The following TTC12 variants were observed in gnomAD, a reference collection of about 807,000 sequenced individuals.
TTC12 encodes tetratricopeptide repeat protein 12.
Under a neutral mutation model 90.1 loss-of-function variants are expected in TTC12, and 70 were observed. The ratio of observed to expected loss-of-function variants is 0.78; its 90% CI spans 0.64 to 0.95. The LOEUF is 0.95. TTC12 is among the 40% of genes least tolerant of loss of function. The pLI is 0.00. For synonymous variants in TTC12, 296 were observed against 311.5 expected, an observed-to-expected ratio of 0.95 and a Z score of 0.53; for missense variants, 819 against 846.1, an observed-to-expected ratio of 0.97 and a Z score of 0.40.
intron 12 of TTC12, 136 bp from the exon 13 acceptor site, chr11:113,344,136 C>A: frequency 9.8e-7 from 1 of 1,024,654 alleles, no homozygotes; most frequent in Non-Finnish European, 1.4e-6. Flanking sequence ...GTTCTAGAAT[C>A]CACACTCTTA....
Position 113,363,853 on chromosome 11 carries a change from A to T in TTC12, c.1742A>T (p.Tyr581Phe). 1.2e-6 allele frequency: 2 copies of T among 1,613,222 alleles called. No individual in the cohort carries two copies. The highest frequency in any genetic ancestry group is 1.7e-6 in the Non-Finnish European group (2 of 1,179,188). ...ACAGGAGGTGAGACTGCATCACGTT[A>T]TGCTATAAAGATACTAGCTATCTGC... ...LKTGGETASR[Y>F]AIKILAICTN... The change falls in exon 20 of 22, where the codon TAT (tyrosine) becomes TTT (phenylalanine). Residue 581 changes from tyrosine to phenylalanine, a missense_variant. Transcript: ENST00000529221.
chr11:113,328,134 T>G (rs1456381663), intron 6 of TTC12, among the ~76,000 whole-genome samples: 1 of 152,178 alleles, frequency 6.6e-6, no homozygotes, highest in African/African-American at 2.4e-5. Flanking sequence ...CTGGCTTTAT[T>G]ATTGGTTGCT....
At chr11:113,329,717 T>A (rs1555142079) in intron 6 of TTC12, 1 of 639,868 alleles carries the variant, frequency 1.6e-6, no homozygotes, top group African/African-American at 1.8e-5. Flanking sequence ...AAGCCCTGCC[T>A]TCACCGTGGA....
At chr11:113,357,553 G>C (rs1949695347) in intron 16 of TTC12, among the ~76,000 whole-genome samples, 1 of 152,132 alleles carries the variant, frequency 6.6e-6, no homozygotes, top group African/African-American at 2.4e-5. Flanking sequence ...TCTTATCTTT[G>C]TTGATTTCTC....
chr11:113,350,052 G>A (rs782537899), intron 13 of TTC12, 21 bp from the exon 14 acceptor site: 25 of 1,601,980 alleles, frequency 1.6e-5, no homozygotes, highest in Middle Eastern at 1.7e-4. Flanking sequence ...CTACCTCTGA[G>A]GTTATTATGG....
At chr11:113,359,605 C>T (rs544783894) in intron 17 of TTC12, 144 bp downstream of exon 17, 21 of 647,544 alleles carry the variant, frequency 3.2e-5, no homozygotes, top group East Asian at 3.1e-4. Flanking sequence ...TGGAGGGATG[C>T]GCTCTCCCTT....
At chr11:113,315,029 G>A (rs1946839890) in intron 1 of TTC12, 1 of 152,360 alleles carries the variant, frequency 6.6e-6, no homozygotes, top group South Asian at 2.1e-4. Context: ...CTGGGAGACA[G>A]AGGTTGTCTC....
chr11:113,356,745 A>G (rs1271953009), intron 16 of TTC12, among the ~76,000 whole-genome samples: 1 of 152,214 alleles, frequency 6.6e-6, no homozygotes, highest in Non-Finnish European at 1.5e-5. Flanking sequence ...ATGATGTTGA[A>G]TATTGGCCTC....
Position 113,322,287 on chromosome 11 carries a change from G to A in TTC12, c.59-1001G>A, listed in dbSNP as rs538674714. Among the ~76,000 whole-genome samples, 10 of 152,082 alleles carry A rather than the reference G, an allele frequency of 6.6e-5. No individual in the cohort carries two copies. In the East Asian group the frequency reaches 1.5e-3, roughly 23 times the overall value. ...TACATAATTTAGAAGGAAGCTGGTC[G>A]AATGGAATAGGTTGAAAATATTGCG... On this transcript the variant is annotated intron_variant, in intron 2 of 21. Transcript: ENST00000529221.
chr11:113,349,024 C>T (rs1325098951), intron 13 of TTC12, among the ~76,000 whole-genome samples: 2 of 152,240 alleles, frequency 1.3e-5, no homozygotes, highest in African/African-American at 2.4e-5. Context: ...CACTGGCCTG[C>T]AAGCTGCCTG....
At chr11:113,354,958 G>C (rs574206697) in intron 16 of TTC12, among the ~76,000 whole-genome samples, 1 of 152,296 alleles carries the variant, frequency 6.6e-6, no homozygotes, top group South Asian at 2.1e-4. Flanking sequence ...GAATCAGGAT[G>C]ATGCTGGTCT....
intron 11 of TTC12, 90 bp downstream of exon 11, chr11:113,340,823 C>A: frequency 9.0e-7 from 1 of 1,106,382 alleles, no homozygotes; most frequent in Non-Finnish European, 1.4e-6. Flanking sequence ...TAGACAGTCA[C>A]GTTTCTGAAC....
intron 21 of TTC12, among the ~76,000 whole-genome samples, chr11:113,372,618 T>C (rs1950415513): frequency 1.3e-5 from 2 of 152,366 alleles, no homozygotes; most frequent in African/African-American, 4.8e-5. Flanking sequence ...GTAAGAGCTA[T>C]GATTCATAAG....
At chr11:113,350,955 A>G (rs1949255394) in intron 14 of TTC12, among the ~76,000 whole-genome samples, 1 of 152,212 alleles carries the variant, frequency 6.6e-6, no homozygotes, top group Non-Finnish European at 1.5e-5. Context: ...GGTTGGGGGT[A>G]AGTCAGCTTG....
At chr11:113,317,866 T>A (rs1555136440) in intron 2 of TTC12, among the ~76,000 whole-genome samples, 4 of 152,202 alleles carry the variant, frequency 2.6e-5, no homozygotes, top group Non-Finnish European at 1.5e-5. Context: ...ATACCAGTGC[T>A]GTCCAATAGA....
chr11:113,323,474 T>C, intron 3 of TTC12, 23 bp downstream of exon 3: 1 of 1,536,250 alleles, frequency 6.5e-7, no homozygotes, highest in Non-Finnish European at 8.7e-7. Flanking sequence ...ATTGAGAAGT[T>C]ATATAAGTAC....
At chr11:113,363,709 A>G in intron 19 of TTC12, 119 bp from the exon 20 acceptor site, 1 of 676,872 alleles carries the variant, frequency 1.5e-6, no homozygotes, top group Non-Finnish European at 2.5e-6. Flanking sequence ...CGTTCTCAGT[A>G]GAATTCTCTT....
rs374993602 is a variant in TTC12, at chr11:113,350,046, C to T, written c.1155-27C>T. The stretch of plus-strand genomic sequence containing the variant: ...ATGTTGTTAGTTGGAGGACAGCTAC[C>T]TCTGAGGTTATTATGGTTTTTTGCA... On this transcript the variant is annotated intron_variant, in intron 13 of 21. Transcript: ENST00000529221. 3.8e-4 allele frequency: 604 copies of T among 1,586,630 alleles called. 1 individual carries two copies. Among genetic ancestry groups the T allele is most frequent in the Middle Eastern group, 5.0e-4 (3 of 6,030 alleles).
intron 2 of TTC12, among the ~76,000 whole-genome samples, chr11:113,317,278 A>C (rs1487147436): frequency 6.6e-6 from 1 of 151,998 alleles, no homozygotes; most frequent in Non-Finnish European, 1.5e-5. Flanking sequence ...ATGTGTCCAA[A>C]ATTGAGGCAT....
Sources: allele counts gnomAD v4.1 joint callset (sites outside exome capture counted in the v4.1 genomes callset), GRCh38; gene constraint gnomAD v4.1.1; transcripts MANE v1.5; gene names NCBI Gene and HGNC (gene_info 2026-07-23, HGNC 2026-07-21).